The following CBFB variants were observed in gnomAD, a reference collection of about 807,000 sequenced individuals.
CBFB encodes CBF-beta.
A neutral mutation model predicts 30.4 loss-of-function variants in CBFB; 9 were observed. The ratio of observed to expected loss-of-function variants is 0.30; its 90% CI spans 0.18 to 0.52. CBFB has a LOEUF of 0.52. CBFB is among the 20% of genes least tolerant of loss of function. The pLI is 0.97. For synonymous variants in CBFB, 94 were observed against 84.0 expected, an observed-to-expected ratio of 1.12 and a Z score of -0.65; for missense variants, 170 against 244.0, an observed-to-expected ratio of 0.70 and a Z score of 2.02.
intron 5 of CBFB, among the ~76,000 whole-genome samples, chr16:67,088,272 T>C (rs1961784152): frequency 2.6e-5 from 4 of 152,196 alleles, no homozygotes; most frequent in Non-Finnish European, 4.4e-5. Context: ...AAATTCCTAA[T>C]GTCACCTTAT....
intron 3 of CBFB, among the ~76,000 whole-genome samples, chr16:67,054,226 A>C (rs1453436708): frequency 6.6e-6 from 1 of 151,714 alleles, no homozygotes; most frequent in Non-Finnish European, 1.5e-5. Context: ...GCATATTTGA[A>C]GTGTCTTTAT....
In CBFB at chr16:67,036,757, T is replaced by C; in HGVS notation, c.282+2T>C. The C allele has an allele frequency of 6.5e-7, 1 of 1,538,512 alleles. No homozygotes were observed. The highest frequency in any genetic ancestry group is 9.0e-7 in the Non-Finnish European group (1 of 1,111,302). On this transcript the variant is annotated splice_donor_variant, in intron 3 of 5. Transcript: ENST00000412916. LOFTEE classifies it high-confidence loss of function. The stretch of plus-strand genomic sequence containing the variant: ...GACTTAGAAAGAGAAGCAGGCAAGG[T>C]AGGAAACATTTCTTTGCAATTTAAA...
intron 3 of CBFB, among the ~76,000 whole-genome samples, chr16:67,038,437 T>G (rs1408687548): frequency 1.3e-5 from 2 of 151,984 alleles, no homozygotes; most frequent in Non-Finnish European, 2.9e-5. Flanking sequence ...TTCTGTAGAA[T>G]TAGATTTGAT....
chr16:67,081,317 T>C (rs1455924398), intron 4 of CBFB, among the ~76,000 whole-genome samples: 1 of 152,080 alleles, frequency 6.6e-6, no homozygotes, highest in African/African-American at 2.4e-5. Flanking sequence ...CTCATCCTTT[T>C]TTATGGCTGC....
intron 1 of CBFB, 53 bp from the exon 2 acceptor site, chr16:67,029,674 C>A: frequency 6.7e-7 from 1 of 1,485,822 alleles, no homozygotes; most frequent in Admixed American, 1.8e-5. Context: ...AGGGCGGGCG[C>A]GCGGGCGGCG....
At chr16:67,047,038 G>A (rs977735152) in intron 3 of CBFB, among the ~76,000 whole-genome samples, 7 of 151,864 alleles carry the variant, frequency 4.6e-5, no homozygotes, top group African/African-American at 7.3e-5. Flanking sequence ...AGGGCCGGGC[G>A]CAGTAGCTCA....
intron 5 of CBFB, among the ~76,000 whole-genome samples, chr16:67,096,851 G>A (rs992625908): frequency 6.6e-6 from 1 of 150,484 alleles, no homozygotes; most frequent in Non-Finnish European, 1.5e-5. Context: ...GTGGGCGCCT[G>A]TAGTCCCAGC....
chr16:67,082,340 G>A, intron 5 of CBFB, 32 bp downstream of exon 5: 2 of 1,609,828 alleles, frequency 1.2e-6, no homozygotes, highest in Non-Finnish European at 1.7e-6. Context: ...GCAGTAACTG[G>A]TTAGTACTTT....
chr16:67,061,720 A>T (rs1597141227), intron 3 of CBFB, among the ~76,000 whole-genome samples: 1 of 152,248 alleles, frequency 6.6e-6, no homozygotes, highest in African/African-American at 2.4e-5. Flanking sequence ...TGCAGTCATT[A>T]GTCTTGATTA....
chr16:67,051,912 T>TAC (rs112469458), intron 3 of CBFB, among the ~76,000 whole-genome samples: 11,912 of 143,904 alleles, frequency 0.083, 467 homozygotes, highest in Middle Eastern at 0.1. Context: ...TATATGTGTA[T>TAC]ACACACACAC....
intron 4 of CBFB, 99 bp from the exon 5 acceptor site, chr16:67,082,114 C>A (rs141348397): frequency 1.0e-6 from 1 of 985,446 alleles, no homozygotes; most frequent in Non-Finnish European, 1.4e-6. Context: ...CCACTGCGCC[C>A]GGCCACTGTT....
intron 3 of CBFB, among the ~76,000 whole-genome samples, chr16:67,056,897 GTCTTGA>G (rs1188530378): frequency 6.6e-6 from 1 of 152,018 alleles, no homozygotes; most frequent in Non-Finnish European, 1.5e-5. Flanking sequence ...GGCCAGGATG[GTCTTGA>G]TCTCTTGACC....
chr16:67,072,559 T>C (rs1385734190), intron 4 of CBFB, among the ~76,000 whole-genome samples: 1 of 151,892 alleles, frequency 6.6e-6, no homozygotes, highest in East Asian at 1.9e-4. Context: ...CTCCGCCTCC[T>C]GGGTTCAAGC....
At chr16:67,038,348 A>G (rs538927352) in intron 3 of CBFB, among the ~76,000 whole-genome samples, 51 of 150,836 alleles carry the variant, frequency 3.4e-4, no homozygotes, top group African/African-American at 1.0e-3. Context: ...ATATGTATAT[A>G]TGTGTGTGTA....
At chr16:67,078,874 C>G (rs911528948) in intron 4 of CBFB, among the ~76,000 whole-genome samples, 1 of 152,084 alleles carries the variant, frequency 6.6e-6, no homozygotes, top group Non-Finnish European at 1.5e-5. Context: ...CAGGGCTGGT[C>G]TCTTCAACTC....
intron 3 of CBFB, among the ~76,000 whole-genome samples, chr16:67,062,243 A>G (rs1960931617): frequency 6.7e-6 from 1 of 149,920 alleles, no homozygotes; most frequent in South Asian, 2.1e-4. Context: ...ATCTCGGCTC[A>G]CTGCAAACTC....
intron 3 of CBFB, among the ~76,000 whole-genome samples, chr16:67,059,841 C>T (rs1002460940): frequency 6.6e-6 from 1 of 152,060 alleles, no homozygotes; most frequent in African/African-American, 2.4e-5. Flanking sequence ...TATAACAGCC[C>T]GGATCTATTC....
chr16:67,032,732 C>T (rs1177378454), intron 2 of CBFB, among the ~76,000 whole-genome samples: 1 of 152,180 alleles, frequency 6.6e-6, no homozygotes, highest in African/African-American at 2.4e-5. Flanking sequence ...GGCTGGGTTT[C>T]TTCCTATTTG....
At chr16:67,042,058 C>G (rs1966541019) in intron 3 of CBFB, among the ~76,000 whole-genome samples, 1 of 152,024 alleles carries the variant, frequency 6.6e-6, no homozygotes, top group South Asian at 2.1e-4. Context: ...CAGCATCTCA[C>G]CTGTAACCCC....
Sources: gnomAD v4.1 joint callset for allele counts (sites outside exome capture counted in the v4.1 genomes callset) on GRCh38, gnomAD v4.1.1 for gene constraint, MANE v1.5 for transcripts, NCBI Gene and HGNC (gene_info 2026-07-23, HGNC 2026-07-21) for gene names.